The following FLNB variants were observed in gnomAD, a reference collection of about 807,000 sequenced individuals.
The protein encoded by FLNB is filamin-B.
Under a neutral mutation model 250.6 loss-of-function variants are expected in FLNB, and 111 were observed. That is an observed-to-expected ratio of 0.44 (90% CI 0.38 to 0.52). The LOEUF (loss-of-function observed/expected upper bound fraction) is 0.52, where lower values mean the gene tolerates loss of function less well. FLNB is among the 20% of genes least tolerant of loss of function. The probability of loss-of-function intolerance (pLI) is 0.00; values close to 1 mark genes in which losing one functional copy is unlikely to be tolerated. For missense variants in FLNB, 2,869 were observed against 3,447.8 expected (o/e 0.83, Z 4.20); for synonymous variants, 1,302 against 1,372.1 (o/e 0.95, Z 1.13).
Position 58,123,628 on chromosome 3 carries a change from A to G in FLNB, c.3662A>G (p.Lys1221Arg). 6.2e-7 allele frequency: 1 copy of G among 1,612,562 alleles called. No homozygotes were observed. The highest frequency in any genetic ancestry group is 8.5e-7 in the Non-Finnish European group (1 of 1,179,874). Reference sequence around the variant, plus strand: ...GTGCCACACTTCCCCGCCCGGGTCAAGGTGGAGCCCGCCGTGGACACCAGC... The same window carrying G: ...GTGCCACACTTCCCCGCCCGGGTCAGGGTGGAGCCCGCCGTGGACACCAGC... ...ELVPHFPARV[K>R]VEPAVDTSRI... The change falls in exon 21 of 46, where the codon AAG becomes AGG. Residue 1221 changes from lysine (K) to arginine (R), a missense_variant. Transcript: ENST00000295956.
chr3:58,132,397 G>T (rs531540112), intron 25 of FLNB: 9 of 398,200 alleles, frequency 2.3e-5, no homozygotes, highest in Non-Finnish European at 4.2e-5. Context: ...GTTAATTTTT[G>T]CTCTTCACAA....
At chr3:58,027,853 A>G (rs1252195760) in intron 1 of FLNB, among the ~76,000 whole-genome samples, 2 of 152,252 alleles carry the variant, frequency 1.3e-5, no homozygotes, top group Non-Finnish European at 2.9e-5. Flanking sequence ...TAACGGAAAA[A>G]CAGCGTCACT....
intron 33 of FLNB, 27 bp downstream of exon 33, chr3:58,146,076 G>A (rs369644558): frequency 2.2e-5 from 35 of 1,613,784 alleles, no homozygotes; most frequent in African/African-American, 5.3e-5. Flanking sequence ...GTGTTTATAC[G>A]CCTCCAGCTG....
At chr3:58,127,562 G>A (rs1250052244) in intron 24 of FLNB, among the ~76,000 whole-genome samples, 3 of 152,138 alleles carry the variant, frequency 2.0e-5, no homozygotes, top group Non-Finnish European at 4.4e-5. Flanking sequence ...GTGTGGGGCT[G>A]TCCTGTTCAT....
At chr3:58,137,648 G>A (rs183158267) in intron 28 of FLNB, among the ~76,000 whole-genome samples, 2 of 152,272 alleles carry the variant, frequency 1.3e-5, no homozygotes, top group African/African-American at 4.8e-5. Flanking sequence ...GTAAAGGGGC[G>A]CCAGAAATCA....
intron 1 of FLNB, among the ~76,000 whole-genome samples, chr3:58,021,849 G>A (rs557285043): frequency 6.1e-4 from 93 of 152,040 alleles, no homozygotes; most frequent in Middle Eastern, 3.4e-3. Context: ...ATCACAGCTC[G>A]CTGCAGCCTC....
chr3:58,081,088 C>A (rs558889537), intron 3 of FLNB, among the ~76,000 whole-genome samples: 2 of 152,208 alleles, frequency 1.3e-5, no homozygotes, highest in African/African-American at 4.8e-5. Flanking sequence ...AGCTACCACG[C>A]CTGGCTTCCC....
chr3:58,026,554 G>C (rs1300077452), intron 1 of FLNB, among the ~76,000 whole-genome samples: 2 of 152,250 alleles, frequency 1.3e-5, no homozygotes, highest in Non-Finnish European at 2.9e-5. Context: ...TAGGGTGACA[G>C]AGGAGGCTGC....
intron 24 of FLNB, among the ~76,000 whole-genome samples, chr3:58,129,142 A>C (rs556280065): frequency 6.6e-6 from 1 of 152,110 alleles, no homozygotes; most frequent in Admixed American, 6.5e-5. Flanking sequence ...CCCGGAGTGG[A>C]GTTATTTTTA....
chr3:58,143,497 A>G lies in FLNB; in HGVS notation c.5309A>G (p.Lys1770Arg). 1 of 1,614,146 alleles carries G rather than the reference A, an allele frequency of 6.2e-7. No homozygotes were observed. The highest frequency in any genetic ancestry group is 8.5e-7 in the Non-Finnish European group (1 of 1,180,008). ...GGAGAGGTCCACATGCCTTCTGGGA[A>G]GACAGCCACACCTGAGATTGTGGAC... ...ITGEVHMPSG[K>R]TATPEIVDNK... is the part of the protein sequence containing the mutation. Residue 1770 changes from lysine (K) to arginine (R), a missense_variant, in exon 32 of 46, where the codon AAG becomes AGG. Physicochemically the swap from Lys to Arg is conservative, Grantham distance 26. This residue lies in a region of FLNB where 1,084 missense variants were observed against 1,315.5 expected (regional missense o/e 0.82). Coordinates refer to ENST00000295956, the MANE Select transcript of FLNB (RefSeq NM_001457.4).
chr3:58,103,544 C>T (rs1158282880), intron 9 of FLNB, among the ~76,000 whole-genome samples: 3 of 152,164 alleles, frequency 2.0e-5, no homozygotes, highest in African/African-American at 7.2e-5. Context: ...GAACACTGAA[C>T]CTAAAACTCA....
intron 1 of FLNB, among the ~76,000 whole-genome samples, chr3:58,060,352 CTTTT>C (rs138957329): frequency 7.3e-6 from 1 of 136,092 alleles, no homozygotes. Context: ...CCCTGTCTCT[CTTTT>C]TTTTTTTTTT....
At chr3:58,143,412 T>C in intron 31 of FLNB, 61 bp from the exon 32 acceptor site, 1 of 1,596,832 alleles carries the variant, frequency 6.3e-7, no homozygotes, top group South Asian at 1.1e-5. Context: ...TGCCTTGGGC[T>C]CTGCTTCTCT....
chr3:58,148,193 G>T lies in FLNB; in HGVS notation c.5729-13G>T, dbSNP rs748668497. ...ACATGTAACGGGAGTCCTTTTTGGG[G>T]GATGTTTCCCAGATGACAGCAGGCG... On this transcript the variant is annotated splice_polypyrimidine_tract_variant and intron_variant, in intron 34 of 45. Transcript: ENST00000295956. 2 of 1,614,168 alleles carry T rather than the reference G, an allele frequency of 1.2e-6. No individual in the cohort carries two copies. The highest frequency in any genetic ancestry group is 1.7e-6 in the Non-Finnish European group (2 of 1,180,010).
At chr3:58,116,266 G>A (rs1440719082) in intron 18 of FLNB, among the ~76,000 whole-genome samples, 6 of 152,178 alleles carry the variant, frequency 3.9e-5, no homozygotes, top group Admixed American at 2.6e-4. Context: ...CCCCTGACAC[G>A]GGGGAGGGAG....
chr3:58,087,468 T>C (rs1192352592), intron 4 of FLNB, among the ~76,000 whole-genome samples: 1 of 152,112 alleles, frequency 6.6e-6, no homozygotes, highest in Non-Finnish European at 1.5e-5. Context: ...TCTTTTTTTT[T>C]TTTGAGACGG....
chr3:58,112,023 A>G, intron 17 of FLNB, 126 bp from the exon 18 acceptor site: 1 of 1,160,098 alleles, frequency 8.6e-7, no homozygotes, highest in Non-Finnish European at 1.3e-6. Context: ...CTGATGCAGC[A>G]GTGGCTGGCC....
rs1231045509 is a variant in FLNB, at chr3:58,109,991, A to G, written c.2324-19A>G. On this transcript the variant is annotated intron_variant, in intron 15 of 45. Coordinates refer to ENST00000295956, the MANE Select transcript of FLNB (RefSeq NM_001457.4). ...TGCTGTTTCTTGTAAGCTGGTGCTAATAAGCTGGTCTGTTCCAGGTGATGT... is the reference window on the plus strand; with the variant it reads ...TGCTGTTTCTTGTAAGCTGGTGCTAGTAAGCTGGTCTGTTCCAGGTGATGT... 3 of 1,613,972 alleles carry G rather than the reference A, an allele frequency of 1.9e-6. No homozygotes were observed.
At chr3:58,094,380 C>T (rs898825143) in intron 4 of FLNB, among the ~76,000 whole-genome samples, 3 of 152,220 alleles carry the variant, frequency 2.0e-5, no homozygotes, top group African/African-American at 7.2e-5. Context: ...GGCATTGTTT[C>T]TTACACCTAC....
Sources: allele counts gnomAD v4.1 joint callset (sites outside exome capture counted in the v4.1 genomes callset), GRCh38; gene constraint gnomAD v4.1.1; regional missense constraint gnomAD v4.1.1; transcripts MANE v1.5; gene names NCBI Gene and HGNC (gene_info 2026-07-23, HGNC 2026-07-21).